Variants in C1orf115 observed in about 807,000 individuals in gnomAD.
C1orf115 encodes required for drug-induced death protein 1.
C1orf115 carries 14 observed loss-of-function variants against 12.5 expected under a neutral mutation model. The observed-to-expected ratio is 1.12, with a 90% CI of 0.74 to 1.75. The LOEUF (loss-of-function observed/expected upper bound fraction) is 1.75. Among genes scored for constraint, C1orf115 ranks in the 40% most tolerant of loss-of-function variants. The pLI is 0.00. For synonymous variants in C1orf115, 109 were observed against 104.6 expected, an observed-to-expected ratio of 1.04 and a Z score of -0.26; for missense variants, 237 against 220.8, an observed-to-expected ratio of 1.07 and a Z score of -0.46.
At chr1:220,695,020 G>A (rs978502228) in intron 1 of C1orf115, among the ~76,000 whole-genome samples, 3 of 152,186 alleles carry the variant, frequency 2.0e-5, no homozygotes, top group African/African-American at 7.2e-5. Context: ...CATAAAGTAT[G>A]TCAAAAGCTG....
intron 1 of C1orf115, among the ~76,000 whole-genome samples, chr1:220,692,070 G>A (rs1338602043): frequency 2.0e-5 from 3 of 152,228 alleles, no homozygotes; most frequent in Non-Finnish European, 2.9e-5. Flanking sequence ...TAACAGTGAA[G>A]TGGTATGAAG....
At chr1:220,695,494 G>GTTTT (rs10602094) in intron 1 of C1orf115, among the ~76,000 whole-genome samples, 7 of 116,388 alleles carry the variant, frequency 6.0e-5, no homozygotes, top group Admixed American at 3.0e-4. Flanking sequence ...CGATGTCTGG[G>GTTTT]TTTTTTTTTT....
chr1:220,695,572 G>A (rs917718483), intron 1 of C1orf115, among the ~76,000 whole-genome samples: 1 of 148,322 alleles, frequency 6.7e-6, no homozygotes, highest in Non-Finnish European at 1.5e-5. Context: ...GGGTGTGTTC[G>A]TGTGTGTTGC....
rs764610908 is a variant in C1orf115 at position 220,696,754 on chromosome 1, C to T, written c.*23C>T. The T allele has an allele frequency of 6.4e-7, 1 of 1,564,094 alleles. No individual in the cohort carries two copies. The stretch of plus-strand genomic sequence containing the variant: ...TAATGGGAGCTGCTGTGGCAGGTGC[C>T]CCCAGAGTGAACGGGAGCCCCTGCT... On this transcript the variant is annotated 3_prime_UTR_variant, in exon 2 of 2. Transcript: ENST00000294889.
chr1:220,690,749 G>T (rs748920051), intron 1 of C1orf115, 38 bp downstream of exon 1: 2 of 1,549,360 alleles, frequency 1.3e-6, no homozygotes, highest in Admixed American at 3.9e-5. Context: ...GGGGGCGCGG[G>T]TGTGGTGTCC....
chr1:220,692,822 A>G (rs1247212731), intron 1 of C1orf115, among the ~76,000 whole-genome samples: 17 of 152,222 alleles, frequency 1.1e-4, no homozygotes, highest in Admixed American at 1.0e-3. Context: ...TGCCTTAACT[A>G]AAACAAACAA....
intron 1 of C1orf115, among the ~76,000 whole-genome samples, chr1:220,694,856 G>A (rs1670167542): frequency 6.6e-6 from 1 of 152,232 alleles, no homozygotes; most frequent in Non-Finnish European, 1.5e-5. Flanking sequence ...GGGAAAGAAA[G>A]AGAGAAGGAA....
chr1:220,698,801 G>C lies in C1orf115; in HGVS notation c.*2070G>C, dbSNP rs538452763. ...TGGCCCTGAAATTCTTAAGAATCTG[G>C]TTAAGAATTAACTCACTAATGTCAA... On this transcript the variant is annotated 3_prime_UTR_variant, in exon 2 of 2. Coordinates refer to ENST00000294889, the MANE Select transcript of C1orf115 (RefSeq NM_024709.5). The C allele has an allele frequency of 6.6e-6, 1 of 152,278 alleles. No individual in the cohort carries two copies. The highest frequency in any genetic ancestry group is 2.4e-5 in the African/African-American group (1 of 41,540). 9.4% of individuals were successfully genotyped at this position (152,278 alleles called of 1,614,324 possible). A position where few individuals can be genotyped will look rare whatever the true frequency, so the allele number is the denominator to read the frequency against.
At chr1:220,692,690 C>T (rs140207818) in intron 1 of C1orf115, among the ~76,000 whole-genome samples, 21 of 152,202 alleles carry the variant, frequency 1.4e-4, no homozygotes, top group Non-Finnish European at 1.9e-4. Flanking sequence ...GTGTTTTTTC[C>T]TGGGGATGAT....
rs1670137507 is a variant in C1orf115 at position 220,693,059 on chromosome 1, C to T, written c.309+2348C>T. On this transcript the variant is annotated intron_variant, in intron 1 of 1. Coordinates refer to ENST00000294889, the MANE Select transcript of C1orf115 (RefSeq NM_024709.5). ...GGAGCCACCTGAGAGGGTCACCAGG[C>T]TCAAACATGGAGATATAAAGCAGGT... Among the ~76,000 whole-genome samples the T allele has an allele frequency of 2.0e-5, 3 of 152,140 alleles. No homozygotes were observed. In the South Asian group the frequency reaches 6.2e-4, roughly 32 times the overall value.
Position 220,690,646 on chromosome 1 carries a change from G to C in C1orf115, c.244G>C (p.Glu82Gln), listed in dbSNP as rs553252064. The C allele has an allele frequency of 1.9e-6, 3 of 1,587,542 alleles. No individual in the cohort carries two copies. In the East Asian group the frequency reaches 7.0e-5, roughly 37 times the overall value. ...CCTGCCCGAGCGCTACGAGCCACTG[G>C]AGGAGCCGGCGCCGAGCGAGCAGCC... ...ALLPERYEPLEEPAPSEQPRK... is the reference protein window; with the variant it reads ...ALLPERYEPLQEPAPSEQPRK... Residue 82 changes from glutamate (E) to glutamine (Q), a missense_variant, in exon 1 of 2, where the codon GAG becomes CAG. Coordinates refer to ENST00000294889, the MANE Select transcript of C1orf115 (RefSeq NM_024709.5).
chr1:220,696,820 A>C lies in C1orf115; in HGVS notation c.*89A>C. The C allele has an allele frequency of 1.4e-6, 2 of 1,445,086 alleles. No homozygotes were observed. Among genetic ancestry groups the C allele is most frequent in the Non-Finnish European group, 1.9e-6 (2 of 1,072,190 alleles). The allele number at this position is 1,445,086 out of a possible 1,614,324, so 89.5% of individuals were successfully genotyped here. ...ATCCTGGAGCATCTCAGACTTGAAC[A>C]CACAGCATATTTGGAAGAGAAAACA... On this transcript the variant is annotated 3_prime_UTR_variant, in exon 2 of 2. Transcript: ENST00000294889.
chr1:220,694,406 TTAAG>T (rs895560946), intron 1 of C1orf115, among the ~76,000 whole-genome samples: 3 of 152,114 alleles, frequency 2.0e-5, no homozygotes, highest in East Asian at 1.9e-4. Flanking sequence ...CCATGGGAAA[TTAAG>T]TAAGTGATAG....
At chr1:220,690,820 T>G in intron 1 of C1orf115, 109 bp downstream of exon 1, 1 of 1,281,188 alleles carries the variant, frequency 7.8e-7, no homozygotes, top group African/African-American at 1.6e-5. Context: ...GGGCTGCACC[T>G]GCGACCCCTC....
At chr1:220,691,308 TG>T (rs1354566548) in intron 1 of C1orf115, among the ~76,000 whole-genome samples, 4 of 151,992 alleles carry the variant, frequency 2.6e-5, no homozygotes, top group Non-Finnish European at 5.9e-5. Context: ...CTCGGGGAGA[TG>T]GGGTTAGGAA....
chr1:220,698,801 G>T lies in C1orf115; in HGVS notation c.*2070G>T, dbSNP rs538452763. 2 of 152,160 alleles carry T rather than the reference G, an allele frequency of 1.3e-5. No homozygotes were observed. Among genetic ancestry groups the T allele is most frequent in the Admixed American group, 1.3e-4 (2 of 15,276 alleles). The allele number at this position is 152,160 out of a possible 1,614,324, so 9.4% of individuals were successfully genotyped here. A position where few individuals can be genotyped will look rare whatever the true frequency, so the allele number is the denominator to read the frequency against. ...TGGCCCTGAAATTCTTAAGAATCTGGTTAAGAATTAACTCACTAATGTCAA... is the reference window on the plus strand; with the variant it reads ...TGGCCCTGAAATTCTTAAGAATCTGTTTAAGAATTAACTCACTAATGTCAA... On this transcript the variant is annotated 3_prime_UTR_variant, in exon 2 of 2. Transcript: ENST00000294889.
In C1orf115 at chr1:220,698,662, G is replaced by A. The variant is rs1295302749; in HGVS notation, c.*1931G>A. 1.3e-5 allele frequency: 2 copies of A among 152,284 alleles called. No individual in the cohort carries two copies. The highest frequency in any genetic ancestry group is 2.9e-5 in the Non-Finnish European group (2 of 68,106). 9.4% of individuals were successfully genotyped at this position (152,284 alleles called of 1,614,324 possible). ...TTTCTCGTGGGGAGATGGAGGCAGA[G>A]CCCAGGGTAGGGGACAGAGCTGCTG... is the stretch of plus-strand genomic sequence containing the variant. On this transcript the variant is annotated 3_prime_UTR_variant, in exon 2 of 2. Coordinates refer to ENST00000294889, the MANE Select transcript of C1orf115 (RefSeq NM_024709.5).
intron 1 of C1orf115, among the ~76,000 whole-genome samples, chr1:220,692,750 T>C (rs1041685370): frequency 2.6e-5 from 4 of 152,212 alleles, no homozygotes; most frequent in African/African-American, 9.7e-5. Context: ...ACAATGTAAA[T>C]GTACTAAATG....
rs1406760217 is a variant in C1orf115 at position 220,693,067 on chromosome 1, T to C, written c.309+2356T>C. On this transcript the variant is annotated intron_variant, in intron 1 of 1. Coordinates refer to ENST00000294889, the MANE Select transcript of C1orf115 (RefSeq NM_024709.5). ...CTGAGAGGGTCACCAGGCTCAAACA[T>C]GGAGATATAAAGCAGGTGACCCCTC... 2.6e-5 allele frequency among the ~76,000 whole-genome samples: 4 copies of C among 152,174 alleles called. No individual in the cohort carries two copies. In the East Asian group the frequency reaches 7.7e-4, roughly 29 times the overall value.
Sources: gnomAD v4.1 joint callset for allele counts (sites outside exome capture counted in the v4.1 genomes callset) on GRCh38, gnomAD v4.1.1 for gene constraint, MANE v1.5 for transcripts, NCBI Gene and HGNC (gene_info 2026-07-23, HGNC 2026-07-21) for gene names.